The following SPECC1 variants were observed in gnomAD, a reference collection of about 807,000 sequenced individuals.
The protein encoded by SPECC1 is sperm antigen with calponin homology and coiled-coil domains 1, also known as cytospin-B.
Under a neutral mutation model 104.1 loss-of-function variants are expected in SPECC1, and 62 were observed. The observed-to-expected ratio is 0.60, with a 90% CI of 0.49 to 0.74. SPECC1 has a LOEUF of 0.74. SPECC1 is among the 30% of genes least tolerant of loss of function. The pLI is 0.00. For synonymous variants in SPECC1, 513 were observed against 501.6 expected (o/e 1.02, Z -0.30); for missense variants, 1,306 against 1,310.5 (o/e 1.00, Z 0.05).
intron 3 of SPECC1, among the ~76,000 whole-genome samples, chr17:20,164,531 A>G (rs780617154): frequency 3.3e-5 from 5 of 152,072 alleles, no homozygotes; most frequent in Admixed American, 6.6e-5. Flanking sequence ...TGACAGGGAC[A>G]AGGTTGGGAT....
At chr17:20,043,484 T>C (rs8066256) in intron 1 of SPECC1, among the ~76,000 whole-genome samples, 1,848 of 152,362 alleles carry the variant, frequency 0.012, 31 homozygotes, top group African/African-American at 0.042. Context: ...AGCCACATCC[T>C]TTTGTTCTCT....
chr17:20,248,387 G>C (rs1485676848), intron 9 of SPECC1, among the ~76,000 whole-genome samples: 1 of 152,162 alleles, frequency 6.6e-6, no homozygotes, highest in Non-Finnish European at 1.5e-5. Flanking sequence ...GGATGGAGTT[G>C]AGTGAGCCCG....
intron 3 of SPECC1, chr17:20,111,816 G>A (rs1328426060): frequency 1.3e-5 from 11 of 828,892 alleles, no homozygotes; most frequent in African/African-American, 6.7e-5. Flanking sequence ...CAGGGGGGGG[G>A]CAGCGCGATG....
chr17:20,248,121 C>T (rs1256700907), intron 9 of SPECC1, among the ~76,000 whole-genome samples: 1 of 152,168 alleles, frequency 6.6e-6, no homozygotes, highest in Non-Finnish European at 1.5e-5. Flanking sequence ...CCATACTGAC[C>T]AGAAAACGGT....
At chr17:20,110,976 G>A (rs1006272673) in intron 3 of SPECC1, among the ~76,000 whole-genome samples, 6 of 152,180 alleles carry the variant, frequency 3.9e-5, no homozygotes, top group Admixed American at 6.5e-5. Context: ...AAGCTGGGAA[G>A]AGCCTCGCCC....
At chr17:20,042,036 T>C (rs1288991070) in intron 1 of SPECC1, among the ~76,000 whole-genome samples, 1 of 152,198 alleles carries the variant, frequency 6.6e-6, no homozygotes, top group African/African-American at 2.4e-5. Flanking sequence ...TTTGGGATCT[T>C]CCTGACTCTT....
chr17:20,046,387 G>A (rs1165786706), intron 1 of SPECC1, among the ~76,000 whole-genome samples: 1 of 151,992 alleles, frequency 6.6e-6, no homozygotes, highest in Non-Finnish European at 1.5e-5. Context: ...TTAATTCTGT[G>A]CCTAACTGGA....
chr17:20,068,311 C>T (rs189906711), intron 1 of SPECC1, among the ~76,000 whole-genome samples: 2 of 152,172 alleles, frequency 1.3e-5, no homozygotes, highest in East Asian at 1.9e-4. Context: ...ATCCATGTAT[C>T]GGTACATTAT....
chr17:20,160,902 T>C (rs764264636), intron 3 of SPECC1, among the ~76,000 whole-genome samples: 10 of 152,222 alleles, frequency 6.6e-5, no homozygotes, highest in Non-Finnish European at 1.5e-4. Flanking sequence ...ACTTAAATTT[T>C]CCAAATCCAT....
At chr17:20,215,831 C>A (rs559701631) in intron 4 of SPECC1, among the ~76,000 whole-genome samples, 1 of 152,146 alleles carries the variant, frequency 6.6e-6, no homozygotes, top group African/African-American at 2.4e-5. Context: ...AGTCTCTATT[C>A]TTATGGCTGC....
chr17:20,104,937 T>C (rs1597710570), intron 2 of SPECC1, among the ~76,000 whole-genome samples: 1 of 151,946 alleles, frequency 6.6e-6, no homozygotes. Context: ...CTTCTGTTGC[T>C]GCCAGCCTGG....
rs554087474 is a variant in SPECC1, at chr17:20,168,725, G to C, written c.284-35608G>C. Among the ~76,000 whole-genome samples the C allele has an allele frequency of 2.0e-5, 3 of 152,302 alleles. No individual in the cohort carries two copies. In the South Asian group the frequency reaches 6.2e-4, roughly 32 times the overall value. ...ATGAGAACTTATGGCAATTTAGTAA[G>C]GTAACCAGCTTGGAAATGAGTATAT... On this transcript the variant is annotated intron_variant, in intron 3 of 14. Coordinates refer to ENST00000395527, the MANE Select transcript of SPECC1 (RefSeq NM_001243439.2).
At position 20,314,125 on chromosome 17, in the gene SPECC1, T is replaced by G. The variant is rs2042001808; in HGVS notation, c.*60T>G. ...TACTGCAGCTTTTCCTGGAAGCGCC[T>G]GATTACTGTCCACTGACCCTGCTCT... On this transcript the variant is annotated 3_prime_UTR_variant, in exon 15 of 15. Transcript: ENST00000395527. 1 of 1,447,502 alleles carries G rather than the reference T, an allele frequency of 6.9e-7. No individual in the cohort carries two copies. Among genetic ancestry groups the G allele is most frequent in the Non-Finnish European group, 9.6e-7 (1 of 1,041,346 alleles). 89.7% of individuals were successfully genotyped at this position (1,447,502 alleles called of 1,614,324 possible).
At chr17:20,269,516 C>G (rs1333484347) in intron 12 of SPECC1, among the ~76,000 whole-genome samples, 2 of 152,178 alleles carry the variant, frequency 1.3e-5, no homozygotes, top group African/African-American at 2.4e-5. Flanking sequence ...ACCTCCGCTC[C>G]CGGGTTCAAG....
intron 4 of SPECC1, among the ~76,000 whole-genome samples, chr17:20,213,442 C>T (rs1212072401): frequency 6.6e-6 from 1 of 152,026 alleles, no homozygotes; most frequent in East Asian, 1.9e-4. Flanking sequence ...TACCTGAAAG[C>T]AAAGAAGAGA....
intron 9 of SPECC1, among the ~76,000 whole-genome samples, chr17:20,252,243 G>A (rs1489903659): frequency 6.6e-6 from 1 of 152,000 alleles, no homozygotes; most frequent in African/African-American, 2.4e-5. Flanking sequence ...AATATTGTAT[G>A]GCAGGTCTCT....
chr17:20,090,471 C>G (rs1262858392), intron 1 of SPECC1, among the ~76,000 whole-genome samples: 1 of 152,022 alleles, frequency 6.6e-6, no homozygotes, highest in Non-Finnish European at 1.5e-5. Flanking sequence ...GGCCCGGAGC[C>G]AGGACTTGAT....
Position 20,270,785 on chromosome 17 carries a change from A to G in SPECC1, c.2940+10491A>G, listed in dbSNP as rs1362187071. Among the ~76,000 whole-genome samples the G allele has an allele frequency of 2.6e-5, 4 of 152,202 alleles. 1 individual carries two copies. Among genetic ancestry groups the G allele is most frequent in the Admixed American group, 6.5e-5 (1 of 15,280 alleles). ...TGTTACACTTTCCATTTTAATATATATTCTCAAATTGCCTTCATTAAGGTT... is the reference window on the plus strand; with the variant it reads ...TGTTACACTTTCCATTTTAATATATGTTCTCAAATTGCCTTCATTAAGGTT... On this transcript the variant is annotated intron_variant, in intron 12 of 14. Coordinates refer to ENST00000395527, the MANE Select transcript of SPECC1 (RefSeq NM_001243439.2).
chr17:20,286,795 C>T (rs956668980), intron 12 of SPECC1, among the ~76,000 whole-genome samples: 1 of 152,236 alleles, frequency 6.6e-6, no homozygotes, highest in Admixed American at 6.5e-5. Flanking sequence ...TGCCTAGCTC[C>T]TGGCTGCCCA....
Sources: gnomAD v4.1 joint callset for allele counts (sites outside exome capture counted in the v4.1 genomes callset) on GRCh38, gnomAD v4.1.1 for gene constraint, MANE v1.5 for transcripts, NCBI Gene and HGNC (gene_info 2026-07-23, HGNC 2026-07-21) for gene names.